The following WDPCP variants were observed in gnomAD, a reference collection of about 807,000 sequenced individuals.
WDPCP encodes WD repeat-containing and planar cell polarity effector protein fritz homolog.
A neutral mutation model predicts 93.1 loss-of-function variants in WDPCP; 71 were observed. That is an observed-to-expected ratio of 0.76 (90% CI 0.63 to 0.93). The LOEUF (loss-of-function observed/expected upper bound fraction) is 0.93. Among genes scored for constraint, WDPCP ranks in the 40% least tolerant of loss-of-function variants. The probability of loss-of-function intolerance (pLI) is 0.00; values close to 1 mark genes in which losing one functional copy is unlikely to be tolerated. For missense variants in WDPCP, 844 were observed against 887.4 expected (o/e 0.95, Z 0.62); for synonymous variants, 315 against 315.0 (o/e 1.00, Z 0.00).
At chr2:63,610,051 C>T (rs962372155) in intron 3 of WDPCP, among the ~76,000 whole-genome samples, 6 of 152,042 alleles carry the variant, frequency 3.9e-5, no homozygotes, top group Admixed American at 3.3e-4. Flanking sequence ...TTTTAATGCT[C>T]TTCACTTCCA....
intron 2 of WDPCP, among the ~76,000 whole-genome samples, chr2:63,776,655 C>CAAAAAAAAAAAA (rs778768889): frequency 1.3e-4 from 7 of 53,986 alleles, no homozygotes; most frequent in East Asian, 6.9e-4. Flanking sequence ...GGCCCTGTCT[C>CAAAAAAAAAAAA]AAAAAAAAAA....
At chr2:63,354,524 G>A (rs1689862335) in intron 12 of WDPCP, among the ~76,000 whole-genome samples, 1 of 152,156 alleles carries the variant, frequency 6.6e-6, no homozygotes. Context: ...AAACATAGGG[G>A]AGTCACAATC....
intron 3 of WDPCP, among the ~76,000 whole-genome samples, chr2:63,621,187 G>A (rs1299836179): frequency 1.3e-5 from 2 of 152,010 alleles, no homozygotes; most frequent in African/African-American, 2.4e-5. Context: ...ATTAACTGAT[G>A]TAGAAGGTGG....
At chr2:63,383,348 C>T (rs1322811855) in intron 10 of WDPCP, among the ~76,000 whole-genome samples, 1 of 151,982 alleles carries the variant, frequency 6.6e-6, no homozygotes, top group Non-Finnish European at 1.5e-5. Context: ...TCCTTAAATG[C>T]ACCTAATAAC....
intron 8 of WDPCP, among the ~76,000 whole-genome samples, chr2:63,434,406 G>A (rs1025438966): frequency 5.9e-5 from 9 of 152,140 alleles, no homozygotes; most frequent in South Asian, 2.1e-4. Flanking sequence ...TATATGCGAC[G>A]TATACACATA....
At chr2:63,165,742 T>G (rs186725791) in intron 15 of WDPCP, among the ~76,000 whole-genome samples, 18 of 151,540 alleles carry the variant, frequency 1.2e-4, no homozygotes, top group Admixed American at 9.9e-4. Flanking sequence ...CATAGAAATT[T>G]GCGAAGTAGT....
In WDPCP at chr2:63,469,418, T is replaced by C. The variant is rs1252296533; in HGVS notation, c.384+15186A>G. Among the ~76,000 whole-genome samples the C allele has an allele frequency of 3.9e-5, 6 of 152,196 alleles. No homozygotes were observed. In the East Asian group the frequency reaches 1.2e-3, roughly 29 times the overall value. ...CATGCATATATTCATTGCAGCACTA[T>C]TCACAATAGCAAAGACATGGAATCA... On this transcript the variant is annotated intron_variant, in intron 6 of 17. Coordinates refer to ENST00000272321, the MANE Select transcript of WDPCP (RefSeq NM_015910.7).
intron 14 of WDPCP, among the ~76,000 whole-genome samples, chr2:63,255,360 A>ATGTT (rs201566447): frequency 0.017 from 2,632 of 152,250 alleles, 36 homozygotes; most frequent in Non-Finnish European, 0.024. Flanking sequence ...TATGGTTTGG[A>ATGTT]TGTTTGTCCC....
At chr2:63,701,769 G>T (rs920541262) in intron 2 of WDPCP, among the ~76,000 whole-genome samples, 1 of 152,116 alleles carries the variant, frequency 6.6e-6, no homozygotes, top group African/African-American at 2.4e-5. Context: ...AATATCACAT[G>T]TTCTCACTCA....
rs1396072178 is a variant in WDPCP, at chr2:63,437,542, T to C, written c.512A>G (p.Asp171Gly). 6.3e-7 allele frequency: 1 copy of C among 1,589,772 alleles called. No homozygotes were observed. Among genetic ancestry groups the C allele is most frequent in the East Asian group, 2.2e-5 (1 of 44,466 alleles). Reference sequence around the variant, plus strand: ...CAAAAATGATAAGATGATAAAACTGTCTGTGAGAAGAGCTAAAAAACATAA... The same window carrying C: ...CAAAAATGATAAGATGATAAAACTGCCTGTGAGAAGAGCTAAAAAACATAA... ...SDTISDALLT[D>G]SFIILSFLAQ... is the part of the protein sequence containing the mutation. The change falls in exon 8 of 18, where the codon GAC (aspartate) becomes GGC (glycine). Residue 171 changes from aspartate to glycine, a missense_variant. Coordinates refer to ENST00000272321, the MANE Select transcript of WDPCP (RefSeq NM_015910.7).
chr2:63,569,299 C>G (rs1707300940), intron 1 of WDPCP, among the ~76,000 whole-genome samples: 1 of 152,130 alleles, frequency 6.6e-6, no homozygotes, highest in South Asian at 2.1e-4. Flanking sequence ...CAATGGTTAT[C>G]ACTGGTGAGG....
chr2:63,513,157 T>A (rs1702342212), intron 1 of WDPCP, among the ~76,000 whole-genome samples: 1 of 152,084 alleles, frequency 6.6e-6, no homozygotes, highest in Non-Finnish European at 1.5e-5. Context: ...AAGTTGGGAA[T>A]GAAGAAATAA....
chr2:63,454,155 C>A (rs1054587152), intron 6 of WDPCP, among the ~76,000 whole-genome samples: 11 of 151,188 alleles, frequency 7.3e-5, no homozygotes, highest in Non-Finnish European at 1.2e-4. Context: ...CACATATACA[C>A]CATGGAATAC....
At chr2:63,738,146 A>C (rs1669664853) in intron 2 of WDPCP, among the ~76,000 whole-genome samples, 1 of 151,888 alleles carries the variant, frequency 6.6e-6, no homozygotes, top group African/African-American at 2.4e-5. Flanking sequence ...CACACCCCTC[A>C]CCAGTCCCCA....
At chr2:63,425,415 C>T (rs867609846) in intron 9 of WDPCP, among the ~76,000 whole-genome samples, 56 of 152,282 alleles carry the variant, frequency 3.7e-4, no homozygotes, top group South Asian at 1.0e-3. Flanking sequence ...AATTCAGAAT[C>T]TGGGTGGCAA....
At chr2:63,259,487 T>G (rs1681432508) in intron 13 of WDPCP, 78 bp from the exon 14 acceptor site, 1 of 1,117,956 alleles carries the variant, frequency 8.9e-7, no homozygotes, top group African/African-American at 1.5e-5. Context: ...TGAAGGAAAC[T>G]TATTGTCCAG....
chr2:63,131,429 C>T (rs180681086), intron 17 of WDPCP, among the ~76,000 whole-genome samples: 2 of 152,152 alleles, frequency 1.3e-5, no homozygotes, highest in East Asian at 3.9e-4. Flanking sequence ...TTATGTTACA[C>T]TGATAACAAC....
chr2:63,722,665 G>GTC (rs1298839352), intron 2 of WDPCP, among the ~76,000 whole-genome samples: 5 of 140,476 alleles, frequency 3.6e-5, no homozygotes, highest in Non-Finnish European at 7.9e-5. Flanking sequence ...GGTGGGGGGG[G>GTC]GTCAGCCCCC....
chr2:63,735,903 G>A (rs753163790), intron 2 of WDPCP, among the ~76,000 whole-genome samples: 6 of 152,150 alleles, frequency 3.9e-5, no homozygotes, highest in Non-Finnish European at 8.8e-5. Flanking sequence ...CTAGCTCTCT[G>A]TTAAAAAAGA....
Sources: gnomAD v4.1 joint callset for allele counts (sites outside exome capture counted in the v4.1 genomes callset) on GRCh38, gnomAD v4.1.1 for gene constraint, MANE v1.5 for transcripts, NCBI Gene and HGNC (gene_info 2026-07-23, HGNC 2026-07-21) for gene names.